PPP2R2B: variants seen among roughly 807,000 people sequenced by gnomAD.
PPP2R2B encodes the protein serine/threonine-protein phosphatase 2A 55 kDa regulatory subunit B beta isoform.
Under a neutral mutation model 46.0 loss-of-function variants are expected in PPP2R2B, and 5 were observed. The ratio of observed to expected loss-of-function variants is 0.11; its 90% CI spans 0.06 to 0.23. PPP2R2B has a LOEUF of 0.23. Ranked by LOEUF, PPP2R2B falls within the 10% of genes least tolerant of loss-of-function variation. PPP2R2B has a pLI of 1.00. For missense variants in PPP2R2B, 367 were observed against 575.0 expected (o/e 0.64, Z 3.70); for synonymous variants, 215 against 206.7 (o/e 1.04, Z -0.34).
chr5:146,798,169 C>T (rs1756656463), intron 2 of PPP2R2B, among the ~76,000 whole-genome samples: 2 of 152,112 alleles, frequency 1.3e-5, no homozygotes, highest in African/African-American at 2.4e-5. Flanking sequence ...CTTTTTCATT[C>T]ACCCAGAAGG....
chr5:146,647,824 C>A (rs1043025527), intron 6 of PPP2R2B, among the ~76,000 whole-genome samples: 1 of 152,170 alleles, frequency 6.6e-6, no homozygotes, highest in Non-Finnish European at 1.5e-5. Flanking sequence ...GGAACCACCA[C>A]CCACACTCAT....
chr5:146,947,109 G>A (rs903399264), intron 1 of PPP2R2B, among the ~76,000 whole-genome samples: 7 of 152,086 alleles, frequency 4.6e-5, no homozygotes, highest in African/African-American at 1.7e-4. Flanking sequence ...AAACGTTTAG[G>A]GAAAAATTCC....
At chr5:146,778,062 A>G (rs759279889) in intron 2 of PPP2R2B, among the ~76,000 whole-genome samples, 7 of 152,188 alleles carry the variant, frequency 4.6e-5, no homozygotes, top group Non-Finnish European at 8.8e-5. Flanking sequence ...TTCTATGAGA[A>G]TTGTGTACAA....
At chr5:146,630,365 G>T (rs1774345581) in intron 7 of PPP2R2B, among the ~76,000 whole-genome samples, 1 of 152,148 alleles carries the variant, frequency 6.6e-6, no homozygotes, top group Non-Finnish European at 1.5e-5. Context: ...TTGTACATTT[G>T]TGTTTTCTCT....
chr5:146,822,700 GATT>G (rs762611574), intron 2 of PPP2R2B, among the ~76,000 whole-genome samples: 40 of 152,072 alleles, frequency 2.6e-4, no homozygotes, highest in Non-Finnish European at 5.4e-4. Context: ...TCCTCCCACA[GATT>G]ATTATTAGAA....
intron 2 of PPP2R2B, among the ~76,000 whole-genome samples, chr5:146,827,255 C>T (rs893509399): frequency 6.6e-6 from 1 of 152,168 alleles, no homozygotes; most frequent in African/African-American, 2.4e-5. Context: ...ATAAGCTATG[C>T]TCCTAAGTGA....
At chr5:147,044,523 T>C (rs1756464396) in intron 1 of PPP2R2B, among the ~76,000 whole-genome samples, 8 of 152,206 alleles carry the variant, frequency 5.3e-5, no homozygotes, top group Admixed American at 5.2e-4. Context: ...GTTTAAAAAG[T>C]GAATTGTGTT....
chr5:146,744,929 T>C (rs1279626433), intron 2 of PPP2R2B, among the ~76,000 whole-genome samples: 1 of 152,112 alleles, frequency 6.6e-6, no homozygotes, highest in African/African-American at 2.4e-5. Context: ...AAAATACTTT[T>C]ATCAAACACA....
chr5:147,010,071 G>A (rs1257783765), intron 1 of PPP2R2B, among the ~76,000 whole-genome samples: 1 of 152,068 alleles, frequency 6.6e-6, no homozygotes, highest in Admixed American at 6.6e-5. Context: ...CTTTACAAGG[G>A]CATTCATTTA....
At chr5:146,780,326 T>C (rs1344633445) in intron 2 of PPP2R2B, among the ~76,000 whole-genome samples, 1 of 152,220 alleles carries the variant, frequency 6.6e-6, no homozygotes, top group Non-Finnish European at 1.5e-5. Context: ...AATGTTTATA[T>C]GGTCAGAAAA....
intron 5 of PPP2R2B, among the ~76,000 whole-genome samples, chr5:146,671,691 A>G (rs1398278374): frequency 6.6e-6 from 1 of 152,226 alleles, no homozygotes; most frequent in Non-Finnish European, 1.5e-5. Context: ...CAGCTGTAAA[A>G]GGAGACATTA....
intron 1 of PPP2R2B, among the ~76,000 whole-genome samples, chr5:146,920,012 G>T: frequency 6.6e-6 from 1 of 152,024 alleles, no homozygotes; most frequent in Admixed American, 6.6e-5. Context: ...TCTAAAAAAT[G>T]GGCTTACAAA....
intron 2 of PPP2R2B, among the ~76,000 whole-genome samples, chr5:146,854,675 C>T (rs1186716585): frequency 6.6e-6 from 1 of 152,170 alleles, no homozygotes; most frequent in Non-Finnish European, 1.5e-5. Flanking sequence ...AAAACACAAG[C>T]ACGTGTGTAT....
At chr5:146,674,209 A>G (rs1777561793) in intron 5 of PPP2R2B, among the ~76,000 whole-genome samples, 1 of 152,184 alleles carries the variant, frequency 6.6e-6, no homozygotes, top group Non-Finnish European at 1.5e-5. Flanking sequence ...CCTATGAGAT[A>G]CTTTAAATAA....
At chr5:146,782,526 C>T (rs1755593369) in intron 2 of PPP2R2B, among the ~76,000 whole-genome samples, 1 of 152,182 alleles carries the variant, frequency 6.6e-6, no homozygotes, top group South Asian at 2.1e-4. Context: ...TGATGACTAC[C>T]TGATTCCTCC....
In PPP2R2B at chr5:146,654,177, C is replaced by T. The variant is rs907192878; in HGVS notation, c.448-3453G>A. On this transcript the variant is annotated intron_variant, in intron 5 of 9. Transcript: ENST00000394411. Reference sequence around the variant, plus strand: ...TGAGTTTAGAACCCCTGACTCCCTGCCCCACCCAACTCCAAGGTGTTATCT... The same window carrying T: ...TGAGTTTAGAACCCCTGACTCCCTGTCCCACCCAACTCCAAGGTGTTATCT... Among the ~76,000 whole-genome samples, 60 of 152,178 alleles carry T rather than the reference C, an allele frequency of 3.9e-4. 1 individual carries two copies. The highest frequency in any genetic ancestry group is 1.4e-3 in the African/African-American group (56 of 41,448).
chr5:146,652,324 C>G (rs1776026584), intron 5 of PPP2R2B, among the ~76,000 whole-genome samples: 1 of 152,110 alleles, frequency 6.6e-6, no homozygotes, highest in African/African-American at 2.4e-5. Context: ...ATGATCTGAC[C>G]TCCAATGCAT....
chr5:146,900,888 T>C (rs1389808245), intron 1 of PPP2R2B, among the ~76,000 whole-genome samples: 1 of 151,920 alleles, frequency 6.6e-6, no homozygotes, highest in African/African-American at 2.4e-5. Context: ...AAGTGTTTAA[T>C]TTTCTGTTCC....
intron 1 of PPP2R2B, among the ~76,000 whole-genome samples, chr5:146,953,568 G>C (rs181230952): frequency 6.6e-6 from 1 of 152,198 alleles, no homozygotes; most frequent in Admixed American, 6.6e-5. Flanking sequence ...GTCACAAAAA[G>C]ATATAAAGTG....
Sources: gnomAD v4.1 joint callset for allele counts (sites outside exome capture counted in the v4.1 genomes callset) on GRCh38, gnomAD v4.1.1 for gene constraint, MANE v1.5 for transcripts, NCBI Gene and HGNC (gene_info 2026-07-23, HGNC 2026-07-21) for gene names.